TTN: variants seen among roughly 807,000 people sequenced by gnomAD.
TTN encodes the protein connectin.
Under a neutral mutation model 3,223.0 loss-of-function variants are expected in TTN, and 1,525 were observed. The ratio of observed to expected loss-of-function variants is 0.47; its 90% CI spans 0.45 to 0.49. The LOEUF (loss-of-function observed/expected upper bound fraction) is 0.49. Among genes scored for constraint, TTN ranks in the 20% least tolerant of loss-of-function variants. TTN has a pLI of 0.00. For missense variants in TTN, 40,786 were observed against 43,424.0 expected, an observed-to-expected ratio of 0.94 and a Z score of 5.40; for synonymous variants, 14,094 against 15,161.0, an observed-to-expected ratio of 0.93 and a Z score of 5.17.
At position 178,572,972 on chromosome 2, in the gene TTN, G is replaced by A; in HGVS notation, c.73160C>T (p.Thr24387Ile). The change falls in exon 326 of 363, where the codon ACT becomes ATT. Residue 24387 changes from threonine to isoleucine, a missense_variant. By Grantham distance (89) the Thr-to-Ile change is moderately conservative (BLOSUM62 -1). Transcript: ENST00000589042. ...ATATTCCTGATTCTCTGTGAGGCCA[G>A]TGATAGTATACGAAGTTGCCTTGAG... ...AGLKATSYTI[T>I]GLTENQEYKI... 6.2e-7 allele frequency: 1 copy of A among 1,613,230 alleles called. No individual in the cohort carries two copies. The highest frequency in any genetic ancestry group is 8.5e-7 in the Non-Finnish European group (1 of 1,179,528).
rs1060503924 is a variant in TTN, at chr2:178,571,624, A to G, written c.74508T>C (p.Asp24836=). Residue 24836 remains aspartate (D), a synonymous_variant, in exon 326 of 363, where the codon GAT becomes GAC. Coordinates refer to ENST00000589042, the MANE Select transcript of TTN (RefSeq NM_001267550.2). ...ITLSWGPPKY[D]GGSSINNYIV... is the part of the protein sequence containing the mutation. ...TGTAATTATTGATAGAACTTCCACC[A>G]TCATACTTGGGTGGGCCCCAGGAAA... The G allele has an allele frequency of 1.2e-6, 2 of 1,613,334 alleles. No homozygotes were observed. The highest frequency in any genetic ancestry group is 1.7e-5 in the Admixed American group (1 of 59,984).
rs528503786 is a variant in TTN, at chr2:178,578,133, G to A, written c.68382C>T (p.Asn22794=). The A allele has an allele frequency of 1.4e-5, 22 of 1,613,114 alleles. No individual in the cohort carries two copies. In the East Asian group the frequency reaches 4.2e-4, roughly 31 times the overall value. The change falls in exon 322 of 363, where the codon AAC becomes AAT. Residue 22794 remains asparagine, a synonymous_variant. Coordinates refer to ENST00000589042, the MANE Select transcript of TTN (RefSeq NM_001267550.2). The part of the protein sequence containing the change: ...ERNSLLWKRA[N]KTPIRMRDFK... ...AGTCTCTCATCCTTATCGGAGTCTT[G>A]TTAGCTCTCTTCCACAAAAGGCTGT...
Position 178,725,406 on chromosome 2 carries a change from C to A in TTN, c.20798G>T (p.Gly6933Val). Reference protein sequence around the residue: ...GKYICQIKNDGGMRENMATLM... With the variant: ...GKYICQIKNDVGMRENMATLM... ...TGTGGCCATGTTCTCCCTCATTCCA[C>A]CATCATTCTTGATTTGGCAGATATA... is the stretch of plus-strand genomic sequence containing the variant. The change falls in exon 71 of 363, where the codon GGT becomes GTT. Residue 6933 changes from glycine to valine, a missense_variant. Gly to Val is a moderately radical substitution (Grantham distance 109). Transcript: ENST00000589042. The A allele has an allele frequency of 6.2e-7, 1 of 1,603,112 alleles. No individual in the cohort carries two copies. The highest frequency in any genetic ancestry group is 8.5e-7 in the Non-Finnish European group (1 of 1,173,864).
In TTN at chr2:178,567,295, T is replaced by C. The variant is rs777343548; in HGVS notation, c.78837A>G (p.Val26279=). Residue 26279 remains valine, a synonymous_variant, in exon 326 of 363, where the codon GTA becomes GTG. Coordinates refer to ENST00000589042, the MANE Select transcript of TTN (RefSeq NM_001267550.2). ...SNVAGSKSFP[V]NVKVLDRPGP... is the part of the protein sequence containing the mutation. Reference sequence around the variant, plus strand: ...CTGGTCTATCTAATACTTTTACATTTACTGGGAATGACTTAGAACCTGCAA... The same window carrying C: ...CTGGTCTATCTAATACTTTTACATTCACTGGGAATGACTTAGAACCTGCAA... The C allele has an allele frequency of 2.6e-5, 42 of 1,607,070 alleles. No homozygotes were observed. Among genetic ancestry groups the C allele is most frequent in the Non-Finnish European group, 3.5e-5 (41 of 1,177,390 alleles).
At chr2:178,805,354 A>AG (rs2094267817) in intron 1 of TTN, among the ~76,000 whole-genome samples, 1 of 151,696 alleles carries the variant, frequency 6.6e-6, no homozygotes, top group African/African-American at 2.4e-5. Flanking sequence ...AAAAAAAAAA[A>AG]AAAAAAAAAA....
intron 243 of TTN, 73 bp from the exon 244 acceptor site, chr2:178,622,081 A>T: frequency 7.1e-7 from 1 of 1,410,750 alleles, no homozygotes; most frequent in Non-Finnish European, 9.5e-7. Flanking sequence ...AAAAACTATG[A>T]TCCTGAGTTT....
rs377296133 is a variant in TTN at position 178,756,413 on chromosome 2, A to G, written c.11063T>C (p.Phe3688Ser). ...TTCGTGAGTCCAGGTTACATCAATG[A>G]AAGAATCATCTTTTAAAACACAGAG... is the stretch of plus-strand genomic sequence containing the variant. The part of the protein sequence containing the change: ...QFLCVLKDDS[F>S]IDVTWTHEGA... Residue 3688 changes from phenylalanine to serine, a missense_variant, in exon 46 of 363, where the codon TTC becomes TCC. Transcript: ENST00000589042. The G allele has an allele frequency of 2.3e-5, 37 of 1,613,692 alleles. No individual in the cohort carries two copies. The highest frequency in any genetic ancestry group is 2.9e-5 in the Non-Finnish European group (34 of 1,179,820).
rs769645414 is a variant in TTN, at chr2:178,547,571, C to T, written c.94055G>A (p.Gly31352Asp). The T allele has an allele frequency of 1.2e-6, 2 of 1,613,630 alleles. No individual in the cohort carries two copies. Among genetic ancestry groups the T allele is most frequent in the Non-Finnish European group, 1.7e-6 (2 of 1,179,810 alleles). ...TNYIVEKRES[G>D]TTAWQLVNSS... ...ATTGACAAGCTGCCAAGCTGTTGTA[C>T]CCGATTCACGCTTTTCAACTATGTA... is the stretch of plus-strand genomic sequence containing the variant. The change falls in exon 339 of 363, where the codon GGT becomes GAT. Residue 31352 changes from glycine (G) to aspartate (D), a missense_variant. Physicochemically the swap from Gly to Asp is moderately conservative, Grantham distance 94. Coordinates refer to ENST00000589042, the MANE Select transcript of TTN (RefSeq NM_001267550.2).
In TTN at chr2:178,728,775, G is replaced by C. The variant is rs2079829360; in HGVS notation, c.19151C>G (p.Pro6384Arg). The C allele has an allele frequency of 6.3e-7, 1 of 1,593,880 alleles. No individual in the cohort carries two copies. The highest frequency in any genetic ancestry group is 2.3e-5 in the East Asian group (1 of 44,408). The part of the protein sequence containing the change: ...RCYAFLLVQE[P>R]AQIVEKAKSV... ...TTTAGCTTTCTCTACGATTTGAGCT[G>C]GTTCTGTAGTAAAAATGAAAATGTG... The change falls in exon 66 of 363, where the codon CCA (proline) becomes CGA (arginine). Residue 6384 changes from proline (P) to arginine (R), a missense_variant. Pro to Arg is a moderately radical substitution (Grantham distance 103). Transcript: ENST00000589042.
Position 178,579,955 on chromosome 2 carries a change from A to C in TTN, c.67332T>G (p.Asp22444Glu). 1 of 1,613,216 alleles carries C rather than the reference A, an allele frequency of 6.2e-7. No individual in the cohort carries two copies. Among genetic ancestry groups the C allele is most frequent in the Middle Eastern group, 1.7e-4 (1 of 6,050 alleles). The stretch of plus-strand genomic sequence containing the variant: ...TTTGCTTACGGGAAGCTTTGACAGC[A>C]TCACGAGTTTCACCGGGATCACCAA... Reference protein sequence around the residue: ...YGIGDPGETRDAVKASQTPGP... With the variant: ...YGIGDPGETREAVKASQTPGP... The change falls in exon 318 of 363, where the codon GAT becomes GAG. Residue 22444 changes from aspartate to glutamate, a missense_variant. Coordinates refer to ENST00000589042, the MANE Select transcript of TTN (RefSeq NM_001267550.2).
rs758172689 is a variant in TTN, at chr2:178,616,937, A to T, written c.47952T>A (p.Val15984=). ...VIVPNPITIL[V]PSTGYPRPTA... The stretch of plus-strand genomic sequence containing the variant: ...TTGGCCTTGGATAGCCTGTACTTGG[A>T]ACCAGGATCGTGATAGGATTTGGGA... Residue 15984 remains valine (V), a synonymous_variant, in exon 256 of 363, where the codon GTT becomes GTA. Transcript: ENST00000589042. The T allele has an allele frequency of 1.2e-6, 2 of 1,612,700 alleles. No homozygotes were observed. The highest frequency in any genetic ancestry group is 1.7e-6 in the Non-Finnish European group (2 of 1,179,132).
In TTN at chr2:178,599,546, G is replaced by A. The variant is rs751081259; in HGVS notation, c.56347+8C>T. ...CAAGTAATTTTAACCAAACCATGCA[G>A]TCTTTACCCAGGACATTCAGTCTCA... is the stretch of plus-strand genomic sequence containing the variant. On this transcript the variant is annotated splice_region_variant and intron_variant, in intron 289 of 362. Coordinates refer to ENST00000589042, the MANE Select transcript of TTN (RefSeq NM_001267550.2). 2.6e-6 allele frequency: 4 copies of A among 1,550,762 alleles called. No individual in the cohort carries two copies. In the African/African-American group the frequency reaches 4.1e-5, roughly 16 times the overall value.
At chr2:178,649,432 G>T (rs2062560664) in intron 212 of TTN, 101 bp from the exon 213 acceptor site, 1 of 1,348,084 alleles carries the variant, frequency 7.4e-7, no homozygotes, top group African/African-American at 1.5e-5. Context: ...TAAAATTAAT[G>T]AAAGCAAAAT....
rs2154142811 is a variant in TTN at position 178,542,669 on chromosome 2, G to A, written c.97185C>T (p.Ile32395=). Residue 32395 remains isoleucine (I), a synonymous_variant, in exon 348 of 363, where the codon ATC becomes ATT. Transcript: ENST00000589042. ...TTTGTCACACATCCTTACCAAGAAT[G>A]ATAACTTTAATGGTTTCTGAAGTAG... ...TGTTSETIKV[I]ILDKPGPPTG... is the part of the protein sequence containing the mutation. The A allele has an allele frequency of 4.3e-6, 7 of 1,611,110 alleles. No individual in the cohort carries two copies. The highest frequency in any genetic ancestry group is 5.9e-6 in the Non-Finnish European group (7 of 1,177,484).
intron 307 of TTN, 81 bp from the exon 308 acceptor site, chr2:178,586,888 A>G: frequency 6.5e-7 from 1 of 1,540,826 alleles, no homozygotes; most frequent in Middle Eastern, 2.2e-4. Context: ...GAGTTTTAGT[A>G]TGGATTTGCT....
Position 178,527,694 on chromosome 2 carries a change from CT to C in TTN, c.107431del (p.Ser35811AlafsTer33). 1 of 1,612,950 alleles carries C rather than the reference CT, an allele frequency of 6.2e-7. No individual in the cohort carries two copies. The highest frequency in any genetic ancestry group is 8.5e-7 in the Non-Finnish European group (1 of 1,179,094). ...CTGAGACGAGAAGCTTCCTTGCAAG[CT>C]TGTGTCACCACTTGTTCTCAATACT... ...EVVLRTSGDT[S>X]LQGSFSSQSV... On this transcript the variant is annotated frameshift_variant, in exon 362 of 363. Transcript: ENST00000589042. LOFTEE classifies it high-confidence loss of function.
chr2:178,593,419 A>G lies in TTN; in HGVS notation c.58789T>C (p.Leu19597=), dbSNP rs201013593. Residue 19597 remains leucine, a synonymous_variant, in exon 299 of 363, where the codon TTA becomes CTA. Coordinates refer to ENST00000589042, the MANE Select transcript of TTN (RefSeq NM_001267550.2). The part of the protein sequence containing the change: ...IVTEVTKDSA[L]VTWNKPHDGG... ...TCATGTGGCTTATTCCAGGTTACTA[A>G]TGCAGAGTCTTTGGTAACTTCTGTA... is the stretch of plus-strand genomic sequence containing the variant. The G allele has an allele frequency of 6.2e-7, 1 of 1,613,324 alleles. No individual in the cohort carries two copies. Among genetic ancestry groups the G allele is most frequent in the Non-Finnish European group, 8.5e-7 (1 of 1,179,574 alleles).
Position 178,799,601 on chromosome 2 carries a change from G to T in TTN, c.800C>A (p.Thr267Lys). 6.2e-7 allele frequency: 1 copy of T among 1,614,148 alleles called. No homozygotes were observed. Among genetic ancestry groups the T allele is most frequent in the Non-Finnish European group, 8.5e-7 (1 of 1,180,018 alleles). ...IPPKPKSRSPTPPSIAAKAQL... is the reference protein window; with the variant it reads ...IPPKPKSRSPKPPSIAAKAQL... ...TGCTTTGGCAGCAATAGACGGTGGT[G>T]TTGGGGATCTTGACTTTGGCTTCGG... The change falls in exon 6 of 363, where the codon ACA becomes AAA. Residue 267 changes from threonine to lysine, a missense_variant. Physicochemically the swap from Thr to Lys is moderately conservative, Grantham distance 78. Transcript: ENST00000589042.
chr2:178,793,674 C>A (rs906209419), intron 8 of TTN, 133 bp from the exon 9 acceptor site: 1 of 1,238,440 alleles, frequency 8.1e-7, no homozygotes, highest in African/African-American at 1.5e-5. Flanking sequence ...GTGGCGCACA[C>A]CTGTAATCCC....
Sources: allele counts gnomAD v4.1 joint callset (sites outside exome capture counted in the v4.1 genomes callset), GRCh38; gene constraint gnomAD v4.1.1; transcripts MANE v1.5; gene names NCBI Gene and HGNC (gene_info 2026-07-23, HGNC 2026-07-21).